WIPF2: variants seen among roughly 807,000 people sequenced by gnomAD.
The protein encoded by WIPF2 is WAS/WASL interacting protein family member 2.
WIPF2 carries 23 observed loss-of-function variants against 38.8 expected under a neutral mutation model. That is an observed-to-expected ratio of 0.59 (90% CI 0.43 to 0.84). The LOEUF is 0.84. WIPF2 is among the 40% of genes least tolerant of loss of function. WIPF2 has a pLI of 0.00. For synonymous variants in WIPF2, 210 were observed against 223.2 expected (o/e 0.94, Z 0.53); for missense variants, 574 against 580.5 (o/e 0.99, Z 0.11).
In WIPF2 at chr17:40,264,654, T is replaced by A; in HGVS notation, c.478T>A (p.Ser160Thr). 6.2e-7 allele frequency: 1 copy of A among 1,613,744 alleles called. No individual in the cohort carries two copies. The highest frequency in any genetic ancestry group is 1.1e-5 in the South Asian group (1 of 91,040). ...GCAGAGACCCTCTTTACCGGACCTCTCTCGGCCTAATACCACCAGCAGTAC... is the reference window on the plus strand; with the variant it reads ...GCAGAGACCCTCTTTACCGGACCTCACTCGGCCTAATACCACCAGCAGTAC... ...RMQRPSLPDL[S>T]RPNTTSSTGM... is the part of the protein sequence containing the mutation. Residue 160 changes from serine to threonine, a missense_variant, in exon 5 of 8, where the codon TCT becomes ACT. Ser to Thr is a moderately conservative substitution (Grantham distance 58). Coordinates refer to ENST00000323571, the MANE Select transcript of WIPF2 (RefSeq NM_133264.5).
At chr17:40,221,111 A>C (rs1166170571) in intron 1 of WIPF2, among the ~76,000 whole-genome samples, 1 of 152,054 alleles carries the variant, frequency 6.6e-6, no homozygotes, top group Non-Finnish European at 1.5e-5. Flanking sequence ...GGACTTGAAT[A>C]ATCTGTTATT....
At chr17:40,262,983 A>T (rs2031959764) in intron 4 of WIPF2, among the ~76,000 whole-genome samples, 1 of 152,180 alleles carries the variant, frequency 6.6e-6, no homozygotes, top group South Asian at 2.1e-4. Flanking sequence ...TCTCATTTAT[A>T]TGTGGGATCT....
At chr17:40,229,051 A>C (rs113721731) in intron 1 of WIPF2, among the ~76,000 whole-genome samples, 6 of 151,024 alleles carry the variant, frequency 4.0e-5, no homozygotes, top group African/African-American at 1.5e-4. Context: ...CTGCAGATGC[A>C]TGCCACCATG....
chr17:40,264,442 C>G, intron 4 of WIPF2, 48 bp from the exon 5 acceptor site: 1 of 1,584,216 alleles, frequency 6.3e-7, no homozygotes, highest in Non-Finnish European at 8.7e-7. Flanking sequence ...GGATACTGAC[C>G]AATATCTGTC....
chr17:40,253,821 T>G (rs2031635667), intron 1 of WIPF2, among the ~76,000 whole-genome samples: 1 of 152,286 alleles, frequency 6.6e-6, no homozygotes, highest in Non-Finnish European at 1.5e-5. Context: ...ACTTTTACTG[T>G]CTCATTTCTG....
At chr17:40,226,437 G>A (rs956173581) in intron 1 of WIPF2, among the ~76,000 whole-genome samples, 1 of 150,848 alleles carries the variant, frequency 6.6e-6, no homozygotes, top group African/African-American at 2.4e-5. Context: ...GACTGGTCTC[G>A]AACTCCTGAC....
intron 5 of WIPF2, among the ~76,000 whole-genome samples, chr17:40,271,803 A>G (rs546165255): frequency 2.6e-5 from 4 of 152,192 alleles, no homozygotes; most frequent in Non-Finnish European, 5.9e-5. Context: ...GGAACATAAT[A>G]GATACCCAAT....
In WIPF2 at chr17:40,279,145, T is replaced by C. The variant is rs1296473955; in HGVS notation, c.*920T>C. On this transcript the variant is annotated 3_prime_UTR_variant, in exon 8 of 8. Coordinates refer to ENST00000323571, the MANE Select transcript of WIPF2 (RefSeq NM_133264.5). ...GAAGATAGGGCGTGGGCCTGGGCCT[T>C]AACCTCAATCTTGTGTCTGCCTCAG... 1 of 152,254 alleles carries C rather than the reference T, an allele frequency of 6.6e-6. No individual in the cohort carries two copies. Among genetic ancestry groups the C allele is most frequent in the Non-Finnish European group, 1.5e-5 (1 of 68,072 alleles). The allele number at this position is 152,254 out of a possible 1,614,324, so 9.4% of individuals were successfully genotyped here.
intron 1 of WIPF2, among the ~76,000 whole-genome samples, chr17:40,226,208 A>AT (rs5820333): frequency 8.5e-4 from 94 of 109,966 alleles, no homozygotes; most frequent in African/African-American, 1.7e-3. Context: ...AAAAAAAAAA[A>AT]TTTTTTTTTT....
chr17:40,250,251 A>G (rs186861276), intron 1 of WIPF2, among the ~76,000 whole-genome samples: 1 of 58,124 alleles, frequency 1.7e-5, no homozygotes, highest in African/African-American at 7.1e-5. Context: ...TTTTTTTGAG[A>G]CAAAGTCTCG....
At chr17:40,223,712 GC>G (rs1381961081) in intron 1 of WIPF2, among the ~76,000 whole-genome samples, 28 of 148,798 alleles carry the variant, frequency 1.9e-4, no homozygotes, top group Non-Finnish European at 5.9e-5. Context: ...CGATTCTCCT[GC>G]CTCAGCCTCC....
rs570958413 is a variant in WIPF2 at position 40,249,567 on chromosome 17, C to T, written c.-69-6824C>T. Reference sequence around the variant, plus strand: ...CTCCTGGGTTCAAGCGGTTCTCCTGCCTCAGCCTCCCGAGTAGCTGGGATT... The same window carrying T: ...CTCCTGGGTTCAAGCGGTTCTCCTGTCTCAGCCTCCCGAGTAGCTGGGATT... On this transcript the variant is annotated intron_variant, in intron 1 of 7. Transcript: ENST00000323571. 1.8e-3 allele frequency among the ~76,000 whole-genome samples: 269 copies of T among 151,936 alleles called. 4 individuals are homozygous for T. Among genetic ancestry groups the T allele is most frequent in the African/African-American group, 6.1e-3 (251 of 41,406 alleles).
At chr17:40,278,107 C>T (rs2145420677) in intron 7 of WIPF2, 78 bp from the exon 8 acceptor site, 1 of 1,496,404 alleles carries the variant, frequency 6.7e-7, no homozygotes, top group Non-Finnish European at 9.2e-7. Flanking sequence ...GCCTGTCTCT[C>T]ATTTTAGGAA....
At chr17:40,269,544 T>C (rs1049719549) in intron 5 of WIPF2, among the ~76,000 whole-genome samples, 4 of 148,662 alleles carry the variant, frequency 2.7e-5, no homozygotes, top group African/African-American at 9.9e-5. Flanking sequence ...AAAACTAGCA[T>C]TATTGGTTCA....
At chr17:40,235,038 C>T (rs901656441) in intron 1 of WIPF2, among the ~76,000 whole-genome samples, 11 of 152,142 alleles carry the variant, frequency 7.2e-5, no homozygotes, top group Non-Finnish European at 5.9e-5. Context: ...CCTGCCTCAG[C>T]CTCCCTAGTA....
chr17:40,248,947 G>C (rs1275179132), intron 1 of WIPF2, among the ~76,000 whole-genome samples: 1 of 152,166 alleles, frequency 6.6e-6, no homozygotes, highest in Non-Finnish European at 1.5e-5. Context: ...TTCTTGTAAG[G>C]AAGGACTGGG....
intron 6 of WIPF2, among the ~76,000 whole-genome samples, chr17:40,275,827 A>G (rs2032380976): frequency 6.6e-6 from 1 of 152,230 alleles, no homozygotes; most frequent in South Asian, 2.1e-4. Flanking sequence ...TTGGCCTCCC[A>G]AAGTGCTGGG....
At position 40,280,162 on chromosome 17, in the gene WIPF2, C is replaced by G. The variant is rs905967301; in HGVS notation, c.*1937C>G. The G allele has an allele frequency of 1.2e-4, 18 of 152,060 alleles. No homozygotes were observed. The highest frequency in any genetic ancestry group is 4.1e-4 in the African/African-American group (17 of 41,402). 9.4% of individuals were successfully genotyped at this position (152,060 alleles called of 1,614,324 possible). A position where few individuals can be genotyped will look rare whatever the true frequency, so the allele number is the denominator to read the frequency against. On this transcript the variant is annotated 3_prime_UTR_variant, in exon 8 of 8. Coordinates refer to ENST00000323571, the MANE Select transcript of WIPF2 (RefSeq NM_133264.5). ...TTAGCAGTTATCTCCCAGAAGTATC[C>G]CTAGCATCCTGAAGCAAACAGAACT...
chr17:40,219,309 G>C lies in WIPF2; in HGVS notation c.-253G>C, dbSNP rs1177837469. On this transcript the variant is annotated 5_prime_UTR_variant, in exon 1 of 8. Coordinates refer to ENST00000323571, the MANE Select transcript of WIPF2 (RefSeq NM_133264.5). ...CTCCTTTTTCCCCCGCCTCCATTTTGTTCGCGGACGCTGGGGACGGTGGGA... is the reference window on the plus strand; with the variant it reads ...CTCCTTTTTCCCCCGCCTCCATTTTCTTCGCGGACGCTGGGGACGGTGGGA... 3.4e-6 allele frequency: 1 copy of C among 292,572 alleles called. No homozygotes were observed. The highest frequency in any genetic ancestry group is 6.6e-6 in the Non-Finnish European group (1 of 151,800). The allele number at this position is 292,572 out of a possible 1,614,324, so 18.1% of individuals were successfully genotyped here.
Sources: allele counts gnomAD v4.1 joint callset (sites outside exome capture counted in the v4.1 genomes callset), GRCh38; gene constraint gnomAD v4.1.1; transcripts MANE v1.5; gene names NCBI Gene and HGNC (gene_info 2026-07-23, HGNC 2026-07-21).